The following DPYS variants were observed in gnomAD, a reference collection of about 807,000 sequenced individuals.
DPYS encodes the protein dihydropyrimidinase, also known as dihydropyrimidine amidohydrolase.
DPYS carries 39 observed loss-of-function variants against 50.3 expected under a neutral mutation model. The ratio of observed to expected loss-of-function variants is 0.78; its 90% CI spans 0.60 to 1.01. The LOEUF is 1.01. Ranked by LOEUF, DPYS falls within the 50% of genes least tolerant of loss-of-function variation. The pLI is 0.00. For missense variants in DPYS, 659 were observed against 680.9 expected (o/e 0.97, Z 0.36); for synonymous variants, 245 against 250.7 (o/e 0.98, Z 0.22).
At position 104,453,324 on chromosome 8, in the gene DPYS, A is replaced by G. The variant is rs530122499; in HGVS notation, c.265-1920T>C. ...TGATGTAATGAAAATACTAGGAAAAAAATTCCTCAGGCTTTGTATTTTTAT... is the reference window on the plus strand; with the variant it reads ...TGATGTAATGAAAATACTAGGAAAAGAATTCCTCAGGCTTTGTATTTTTAT... On this transcript the variant is annotated intron_variant, in intron 1 of 9. Transcript: ENST00000351513. Among the ~76,000 whole-genome samples, 5 of 152,270 alleles carry G rather than the reference A, an allele frequency of 3.3e-5. No homozygotes were observed. In the East Asian group the frequency reaches 9.7e-4, roughly 29 times the overall value.
At chr8:104,411,110 A>G (rs1013883197) in intron 7 of DPYS, among the ~76,000 whole-genome samples, 7 of 152,178 alleles carry the variant, frequency 4.6e-5, no homozygotes, top group Non-Finnish European at 8.8e-5. Context: ...TCCAAAACTT[A>G]GTTATCCTTC....
intron 1 of DPYS, among the ~76,000 whole-genome samples, chr8:104,456,890 C>G (rs1813945009): frequency 6.6e-6 from 1 of 152,306 alleles, no homozygotes; most frequent in African/African-American, 2.4e-5. Context: ...TAAACTCTAA[C>G]AGTGGGTCAT....
intron 7 of DPYS, among the ~76,000 whole-genome samples, chr8:104,393,759 C>T (rs1405547867): frequency 2.0e-5 from 3 of 152,182 alleles, no homozygotes; most frequent in South Asian, 2.1e-4. Context: ...AGAAAAAAAT[C>T]TGGCAGCAGT....
chr8:104,406,133 C>A (rs951886682), intron 7 of DPYS, among the ~76,000 whole-genome samples: 1 of 152,292 alleles, frequency 6.6e-6, no homozygotes, highest in African/African-American at 2.4e-5. Flanking sequence ...GTATGAACCC[C>A]TGTGCTGTAA....
At chr8:104,403,032 G>C (rs1464934402) in intron 7 of DPYS, among the ~76,000 whole-genome samples, 1 of 152,128 alleles carries the variant, frequency 6.6e-6, no homozygotes, top group African/African-American at 2.4e-5. Context: ...TACCCTCTTT[G>C]GTTCCCCTCT....
chr8:104,454,528 C>A (rs1455647886), intron 1 of DPYS, among the ~76,000 whole-genome samples: 2 of 152,116 alleles, frequency 1.3e-5, no homozygotes, highest in Non-Finnish European at 1.5e-5. Context: ...TCCACAAAAC[C>A]AGAAAAGTTC....
intron 4 of DPYS, among the ~76,000 whole-genome samples, chr8:104,433,257 C>T (rs768227651): frequency 1.8e-4 from 27 of 152,216 alleles, no homozygotes; most frequent in East Asian, 9.7e-4. Flanking sequence ...CACTTTGCAA[C>T]GGCAGCCATA....
rs758885313 is a variant in DPYS at position 104,444,447 on chromosome 8, C to G, written c.604-10G>C. On this transcript the variant is annotated splice_polypyrimidine_tract_variant and intron_variant, in intron 3 of 9. Coordinates refer to ENST00000351513, the MANE Select transcript of DPYS (RefSeq NM_001385.3). ...ACATCTTCTTTGCTCCCTAAAAAGA[C>G]AGCAGGAATGTGTATATGTGCAAGG... 1.2e-6 allele frequency: 2 copies of G among 1,614,104 alleles called. No homozygotes were observed. The highest frequency in any genetic ancestry group is 1.7e-6 in the Non-Finnish European group (2 of 1,180,030).
intron 4 of DPYS, among the ~76,000 whole-genome samples, chr8:104,438,015 C>A (rs1452059758): frequency 1.3e-5 from 2 of 152,290 alleles, no homozygotes; most frequent in Non-Finnish European, 2.9e-5. Context: ...GAATTCCATG[C>A]CCATTCAAAT....
At chr8:104,402,951 C>G (rs1387944032) in intron 7 of DPYS, among the ~76,000 whole-genome samples, 3 of 152,206 alleles carry the variant, frequency 2.0e-5, no homozygotes, top group Non-Finnish European at 4.4e-5. Context: ...AGCCAATCAT[C>G]TATCGCCTGA....
chr8:104,462,965 T>C (rs906946012), intron 1 of DPYS, among the ~76,000 whole-genome samples: 9 of 152,254 alleles, frequency 5.9e-5, no homozygotes, highest in Admixed American at 6.5e-5. Flanking sequence ...AACCAATCTC[T>C]GACATGAATT....
At chr8:104,420,079 A>T (rs1050480063) in intron 7 of DPYS, 1 of 152,254 alleles carries the variant, frequency 6.6e-6, no homozygotes, top group Admixed American at 6.5e-5. Context: ...TTAATGAGAA[A>T]GAAAAGGAAG....
intron 4 of DPYS, among the ~76,000 whole-genome samples, chr8:104,439,138 T>C (rs1189833085): frequency 2.6e-5 from 4 of 152,010 alleles, no homozygotes; most frequent in Admixed American, 6.6e-5. Flanking sequence ...TGAAGTGACA[T>C]TTATTACTGA....
intron 1 of DPYS, among the ~76,000 whole-genome samples, chr8:104,452,968 C>CA (rs1813801834): frequency 6.6e-6 from 1 of 152,168 alleles, no homozygotes; most frequent in South Asian, 2.1e-4. Context: ...CGTGTTACCT[C>CA]ATCACCAGAA....
At chr8:104,418,271 G>A (rs1018728523) in intron 7 of DPYS, among the ~76,000 whole-genome samples, 1 of 152,088 alleles carries the variant, frequency 6.6e-6, no homozygotes, top group African/African-American at 2.4e-5. Flanking sequence ...CTAACAAGAC[G>A]GCTGGGCAAT....
chr8:104,430,790 G>C (rs1812927857), intron 4 of DPYS, among the ~76,000 whole-genome samples: 1 of 152,130 alleles, frequency 6.6e-6, no homozygotes, highest in Non-Finnish European at 1.5e-5. Context: ...CAATTCTTAA[G>C]TAACCAAGTA....
chr8:104,436,452 A>C (rs1423229644), intron 4 of DPYS, among the ~76,000 whole-genome samples: 2 of 152,134 alleles, frequency 1.3e-5, no homozygotes, highest in African/African-American at 4.8e-5. Flanking sequence ...TCTACTAAAA[A>C]TACAAAAATT....
At chr8:104,410,767 A>T (rs1313722638) in intron 7 of DPYS, among the ~76,000 whole-genome samples, 1 of 152,174 alleles carries the variant, frequency 6.6e-6, no homozygotes, top group Non-Finnish European at 1.5e-5. Context: ...GCAGTCTGAC[A>T]AGGACAAATC....
At chr8:104,421,240 G>A (rs1812530446) in intron 7 of DPYS, 1 of 152,138 alleles carries the variant, frequency 6.6e-6, no homozygotes, top group African/African-American at 2.4e-5. Flanking sequence ...ATACAAAAAT[G>A]TAAATATTTA....
Sources: gnomAD v4.1 joint callset for allele counts (sites outside exome capture counted in the v4.1 genomes callset) on GRCh38, gnomAD v4.1.1 for gene constraint, MANE v1.5 for transcripts, NCBI Gene and HGNC (gene_info 2026-07-23, HGNC 2026-07-21) for gene names.